The following CLVS1 variants were observed in gnomAD, a reference collection of about 807,000 sequenced individuals.
CLVS1 encodes the protein clavesin-1.
A neutral mutation model predicts 33.1 loss-of-function variants in CLVS1; 10 were observed. That is an observed-to-expected ratio of 0.30 (90% CI 0.19 to 0.51). CLVS1 has a LOEUF of 0.51. Among genes scored for constraint, CLVS1 ranks in the 20% least tolerant of loss-of-function variants. The pLI is 0.97. For missense variants in CLVS1, 343 were observed against 433.4 expected (o/e 0.79, Z 1.85); for synonymous variants, 163 against 166.1 (o/e 0.98, Z 0.14).
At chr8:61,367,995 T>A (rs1273094209) in intron 2 of CLVS1, among the ~76,000 whole-genome samples, 1 of 152,230 alleles carries the variant, frequency 6.6e-6, no homozygotes, top group African/African-American at 2.4e-5. Context: ...AGAAATTGCA[T>A]TAAATTTTGA....
intron 2 of CLVS1, among the ~76,000 whole-genome samples, chr8:61,315,895 A>G (rs1035556189): frequency 4.6e-5 from 7 of 151,922 alleles, no homozygotes; most frequent in Admixed American, 1.3e-4. Context: ...CAACTCCCCA[A>G]TAGGCCCGGG....
intron 2 of CLVS1, among the ~76,000 whole-genome samples, chr8:61,318,334 T>A (rs1811080316): frequency 6.6e-6 from 1 of 152,164 alleles, no homozygotes; most frequent in Non-Finnish European, 1.5e-5. Flanking sequence ...ATATGCTGTT[T>A]CACTCATTTT....
At chr8:61,394,133 G>C (rs551018632) in intron 3 of CLVS1, among the ~76,000 whole-genome samples, 1 of 152,330 alleles carries the variant, frequency 6.6e-6, no homozygotes, top group South Asian at 2.1e-4. Flanking sequence ...GATCACTTGA[G>C]GGCAGGAGTT....
chr8:61,479,348 G>A (rs1038462462), intron 5 of CLVS1, among the ~76,000 whole-genome samples: 25 of 151,926 alleles, frequency 1.6e-4, no homozygotes, highest in African/African-American at 6.0e-4. Flanking sequence ...TTTCATCGCT[G>A]ATACCCTTTC....
At chr8:61,045,852 A>G in the CLVS1 span, among the ~76,000 whole-genome samples, 1 of 152,358 alleles carries the variant, frequency 6.6e-6, no homozygotes, top group Admixed American at 6.5e-5. Flanking sequence ...ATAGACAACC[A>G]GGCATAGAGA....
chr8:61,501,368 A>G lies in CLVS1; in HGVS notation c.*1826A>G, dbSNP rs1804899197. 6.6e-6 allele frequency: 1 copy of G among 152,178 alleles called. No individual in the cohort carries two copies. Among genetic ancestry groups the G allele is most frequent in the African/African-American group, 2.4e-5 (1 of 41,464 alleles). 9.4% of individuals were successfully genotyped at this position (152,178 alleles called of 1,614,324 possible). On this transcript the variant is annotated 3_prime_UTR_variant, in exon 6 of 6. Coordinates refer to ENST00000325897, the MANE Select transcript of CLVS1 (RefSeq NM_173519.3). ...AGCTTTTCAATTGGCAATACTTAGA[A>G]CCTTACTGTAGTGACCTGATTTTAA...
chr8:61,297,646 T>C (rs556093741), intron 1 of CLVS1, among the ~76,000 whole-genome samples: 6 of 152,262 alleles, frequency 3.9e-5, no homozygotes, highest in African/African-American at 1.4e-4. Context: ...CTGTAGAATG[T>C]GCAGTCTGAA....
At chr8:61,466,684 G>C (rs527890775) in intron 5 of CLVS1, among the ~76,000 whole-genome samples, 1 of 152,226 alleles carries the variant, frequency 6.6e-6, no homozygotes, top group South Asian at 2.1e-4. Flanking sequence ...TTTTGCTCTT[G>C]TTGCCCAGGC....
chr8:61,263,123 C>G (rs1486672470), intron 2 of CLVS1, among the ~76,000 whole-genome samples: 2 of 152,124 alleles, frequency 1.3e-5, no homozygotes, highest in Admixed American at 1.3e-4. Flanking sequence ...AAAGATGTCC[C>G]CGGCTAAGTA....
chr8:61,038,690 T>C, the CLVS1 span, among the ~76,000 whole-genome samples: 935 of 152,246 alleles, frequency 6.1e-3, 5 homozygotes, highest in African/African-American at 0.02. Flanking sequence ...CTCAAGCCCA[T>C]GTCAGCCTCC....
chr8:61,121,827 C>G (rs556361527), intron 1 of CLVS1, among the ~76,000 whole-genome samples: 2 of 152,196 alleles, frequency 1.3e-5, no homozygotes, highest in South Asian at 4.2e-4. Context: ...TAAGATAGCA[C>G]AGAATAGAAA....
intron 2 of CLVS1, among the ~76,000 whole-genome samples, chr8:61,332,218 A>T (rs1811626789): frequency 6.6e-6 from 1 of 152,116 alleles, no homozygotes; most frequent in African/African-American, 2.4e-5. Flanking sequence ...ATTTAGCTGG[A>T]TTTGGCTCCT....
At chr8:61,373,370 C>T (rs1231324886) in intron 2 of CLVS1, among the ~76,000 whole-genome samples, 1 of 152,130 alleles carries the variant, frequency 6.6e-6, no homozygotes, top group Non-Finnish European at 1.5e-5. Context: ...AGTCCATAAA[C>T]CTTTTACTTT....
intron 5 of CLVS1, among the ~76,000 whole-genome samples, chr8:61,487,986 G>T (rs1447433588): frequency 6.6e-6 from 1 of 152,216 alleles, no homozygotes; most frequent in Non-Finnish European, 1.5e-5. Context: ...TTTAGAGGGA[G>T]TATGATAATT....
chr8:61,062,672 C>T (rs1804602844), intron 1 of CLVS1, among the ~76,000 whole-genome samples: 1 of 152,202 alleles, frequency 6.6e-6, no homozygotes, highest in South Asian at 2.1e-4. Flanking sequence ...ACGGCAGAAA[C>T]TTGAAAGTTG....
At chr8:61,089,216 A>G (rs1563397813) in intron 1 of CLVS1, among the ~76,000 whole-genome samples, 1 of 152,206 alleles carries the variant, frequency 6.6e-6, no homozygotes, top group South Asian at 2.1e-4. Context: ...AAATTAATCA[A>G]TTTCTATAAT....
intron 3 of CLVS1, among the ~76,000 whole-genome samples, chr8:61,413,769 C>T (rs969536300): frequency 6.6e-6 from 1 of 152,166 alleles, no homozygotes; most frequent in Non-Finnish European, 1.5e-5. Flanking sequence ...GTTGGCTACT[C>T]CCAGATTCTC....
intron 2 of CLVS1, among the ~76,000 whole-genome samples, chr8:61,350,121 A>C (rs1812389259): frequency 6.6e-6 from 1 of 152,168 alleles, no homozygotes; most frequent in African/African-American, 2.4e-5. Context: ...TCTGTTATAC[A>C]ACACATTGTA....
chr8:61,205,351 G>A (rs573232497), intron 2 of CLVS1, among the ~76,000 whole-genome samples: 5 of 152,134 alleles, frequency 3.3e-5, no homozygotes, highest in African/African-American at 1.2e-4. Context: ...TCTACTTTCT[G>A]TCTCACATCA....
Sources: gnomAD v4.1 joint callset for allele counts (sites outside exome capture counted in the v4.1 genomes callset) on GRCh38, gnomAD v4.1.1 for gene constraint, MANE v1.5 for transcripts, NCBI Gene and HGNC (gene_info 2026-07-23, HGNC 2026-07-21) for gene names.